The following TM2D1 variants were observed in gnomAD, a reference collection of about 807,000 sequenced individuals.
The protein encoded by TM2D1 is TM2 domain containing 1.
In TM2D1, 15 loss-of-function variants were observed where a neutral mutation model predicts 28.4. The ratio of observed to expected loss-of-function variants is 0.53; its 90% confidence interval spans 0.35 to 0.81. TM2D1 has a LOEUF of 0.81. Among genes scored for constraint, TM2D1 ranks in the 40% least tolerant of loss-of-function variants. The pLI is 0.01. For synonymous variants in TM2D1, 93 were observed against 96.2 expected (o/e 0.97, Z 0.20); for missense variants, 236 against 254.9 (o/e 0.93, Z 0.50).
At chr1:61,698,369 G>A (rs1158094007) in intron 4 of TM2D1, 2 of 152,274 alleles carry the variant, frequency 1.3e-5, no homozygotes, top group Non-Finnish European at 2.9e-5. Context: ...AGACCAGCCT[G>A]ACCAACATGG....
At chr1:61,707,130 C>A (rs1644447400) in intron 3 of TM2D1, among the ~76,000 whole-genome samples, 1 of 152,198 alleles carries the variant, frequency 6.6e-6, no homozygotes, top group South Asian at 2.1e-4. Context: ...GGGCATGCAC[C>A]TCTAGTCCCA....
At chr1:61,684,926 C>T (rs532052838) in intron 5 of TM2D1, among the ~76,000 whole-genome samples, 54 of 152,102 alleles carry the variant, frequency 3.6e-4, no homozygotes, top group Non-Finnish European at 5.7e-4. Context: ...CACAGGTGGG[C>T]GCCATCACGC....
intron 3 of TM2D1, 66 bp downstream of exon 3, chr1:61,709,263 C>T: frequency 1.0e-6 from 1 of 976,040 alleles, no homozygotes; most frequent in Non-Finnish European, 1.6e-6. Context: ...TATCTCCTCT[C>T]TTCATGCAAT....
chr1:61,708,990 A>C (rs1389416933), intron 3 of TM2D1, among the ~76,000 whole-genome samples: 3 of 151,952 alleles, frequency 2.0e-5, no homozygotes, highest in Admixed American at 6.6e-5. Context: ...ACATAGAGAG[A>C]TCTCATCTCT....
chr1:61,688,393 T>C (rs1455705776), intron 5 of TM2D1, among the ~76,000 whole-genome samples: 1 of 152,210 alleles, frequency 6.6e-6, no homozygotes, highest in Admixed American at 6.5e-5. Flanking sequence ...GGTTAAATAA[T>C]GATACAGGGA....
At chr1:61,714,624 G>A (rs1247404378) in intron 2 of TM2D1, among the ~76,000 whole-genome samples, 1 of 152,106 alleles carries the variant, frequency 6.6e-6, no homozygotes, top group African/African-American at 2.4e-5. Flanking sequence ...GCACGATTAC[G>A]GCTCACTGCA....
At chr1:61,715,436 C>A (rs1644509330) in intron 2 of TM2D1, among the ~76,000 whole-genome samples, 1 of 151,606 alleles carries the variant, frequency 6.6e-6, no homozygotes, top group Non-Finnish European at 1.5e-5. Context: ...TCACTTGAGT[C>A]CAGGAATTCG....
intron 4 of TM2D1, chr1:61,698,103 G>C (rs1407337147): frequency 6.6e-6 from 1 of 152,040 alleles, no homozygotes; most frequent in East Asian, 1.9e-4. Flanking sequence ...GTTGTGTTAC[G>C]CACTGTACCT....
At chr1:61,686,077 G>C (rs1195547564) in intron 5 of TM2D1, among the ~76,000 whole-genome samples, 1 of 152,116 alleles carries the variant, frequency 6.6e-6, no homozygotes, top group Non-Finnish European at 1.5e-5. Context: ...AGAGAAAGCT[G>C]TCTCTTTCTA....
intron 1 of TM2D1, among the ~76,000 whole-genome samples, chr1:61,724,700 TA>T (rs992040832): frequency 6.6e-6 from 1 of 151,222 alleles, no homozygotes; most frequent in Non-Finnish European, 1.5e-5. Flanking sequence ...AGCACACTGA[TA>T]AAAAAGAAAA....
At chr1:61,705,289 C>T (rs890354555) in intron 3 of TM2D1, among the ~76,000 whole-genome samples, 7 of 152,062 alleles carry the variant, frequency 4.6e-5, no homozygotes, top group African/African-American at 9.7e-5. Context: ...CAGGTTCAAG[C>T]GATTCTCATG....
intron 2 of TM2D1, among the ~76,000 whole-genome samples, chr1:61,720,218 T>C (rs1644552412): frequency 6.6e-6 from 1 of 152,114 alleles, no homozygotes; most frequent in Non-Finnish European, 1.5e-5. Flanking sequence ...GATATATGTG[T>C]ATGTAACCCA....
rs1463321891 is a variant in TM2D1 at position 61,710,501 on chromosome 1, CAT to C, written c.239-1066_239-1065del. Reference sequence around the variant, plus strand: ...ACACACACACACACACATATACACACATACACACACACACACACACACACACA... The same window carrying C: ...ACACACACACACACACATATACACACACACACACACACACACACACACACA... On this transcript the variant is annotated intron_variant, in intron 2 of 6. Transcript: ENST00000606498. Among the ~76,000 whole-genome samples the C allele has an allele frequency of 1.7e-3, 165 of 94,894 alleles. 2 individuals are homozygous for C. Among genetic ancestry groups the C allele is most frequent in the African/African-American group, 7.5e-3 (148 of 19,644 alleles). 62.3% of individuals were successfully genotyped at this position (94,894 alleles called of 152,430 possible). A position where few individuals can be genotyped will look rare whatever the true frequency, so the allele number is the denominator to read the frequency against.
intron 5 of TM2D1, chr1:61,694,313 C>CA (rs1469671838): frequency 6.4e-6 from 1 of 155,986 alleles, no homozygotes; most frequent in East Asian, 1.9e-4. Flanking sequence ...GACAAGGTGA[C>CA]AGTGACTATG....
chr1:61,711,799 G>C (rs1644481247), intron 2 of TM2D1, among the ~76,000 whole-genome samples: 1 of 152,070 alleles, frequency 6.6e-6, no homozygotes, highest in African/African-American at 2.4e-5. Context: ...TCATGCTTTT[G>C]ATTAGTTATA....
At chr1:61,724,562 T>G in intron 1 of TM2D1, 1 of 181,934 alleles carries the variant, frequency 5.5e-6, no homozygotes. Flanking sequence ...TAGATCGTTA[T>G]TACTTGTCTT....
intron 2 of TM2D1, among the ~76,000 whole-genome samples, chr1:61,713,869 A>G (rs1644497080): frequency 6.6e-6 from 1 of 151,024 alleles, no homozygotes. Flanking sequence ...CAAAACTTTT[A>G]AAAACCAAAT....
intron 3 of TM2D1, among the ~76,000 whole-genome samples, chr1:61,705,933 C>A (rs930483932): frequency 3.3e-5 from 5 of 152,184 alleles, no homozygotes; most frequent in African/African-American, 1.2e-4. Flanking sequence ...AAATTTTAAT[C>A]AAGTATTAAA....
At chr1:61,706,721 C>A (rs559338749) in intron 3 of TM2D1, among the ~76,000 whole-genome samples, 3 of 148,896 alleles carry the variant, frequency 2.0e-5, no homozygotes, top group African/African-American at 7.4e-5. Flanking sequence ...GGCAGGAGAT[C>A]GCTTGAACCC....
Sources: gnomAD v4.1 joint callset for allele counts (sites outside exome capture counted in the v4.1 genomes callset) on GRCh38, gnomAD v4.1.1 for gene constraint, MANE v1.5 for transcripts, NCBI Gene and HGNC (gene_info 2026-07-23, HGNC 2026-07-21) for gene names.